Variants in ADORA2B observed in about 807,000 individuals in gnomAD.
ADORA2B encodes adenosine receptor A2b.
A neutral mutation model predicts 20.8 loss-of-function variants in ADORA2B; 18 were observed. The ratio of observed to expected loss-of-function variants is 0.87; its 90% CI spans 0.60 to 1.29. The LOEUF (loss-of-function observed/expected upper bound fraction) is 1.29, where lower values mean the gene tolerates loss of function less well. Among genes scored for constraint, ADORA2B ranks in the 50% most tolerant of loss-of-function variants. The pLI is 0.00. For missense variants in ADORA2B, 441 were observed against 422.7 expected (o/e 1.04, Z -0.38); for synonymous variants, 179 against 178.3 (o/e 1.00, Z -0.03).
the ADORA2B span, among the ~76,000 whole-genome samples, chr17:15,924,595 T>C: frequency 8.6e-5 from 13 of 151,994 alleles, no homozygotes; most frequent in Middle Eastern, 0.01. Context: ...AAAAAATTAG[T>C]CTGGTGTGGT....
chr17:15,873,571 A>G, the ADORA2B span, among the ~76,000 whole-genome samples: 1 of 152,236 alleles, frequency 6.6e-6, no homozygotes, highest in East Asian at 1.9e-4. Flanking sequence ...CCTATCAGAA[A>G]GTGGGCAAAG....
the ADORA2B span, among the ~76,000 whole-genome samples, chr17:15,913,967 A>G: frequency 6.6e-6 from 1 of 152,202 alleles, no homozygotes; most frequent in African/African-American, 2.4e-5. Context: ...ATGGCTGGAG[A>G]AGGAACCTTG....
chr17:15,910,029 T>G, the ADORA2B span, among the ~76,000 whole-genome samples: 1 of 152,214 alleles, frequency 6.6e-6, no homozygotes, highest in Admixed American at 6.5e-5. Flanking sequence ...AGTGAGGGCA[T>G]GGCTCACACA....
At chr17:15,865,244 A>G in the ADORA2B span, among the ~76,000 whole-genome samples, 1 of 152,250 alleles carries the variant, frequency 6.6e-6, no homozygotes, top group African/African-American at 2.4e-5. Flanking sequence ...TGCACAAAAT[A>G]TAAACTATAG....
At chr17:15,933,247 G>A in the ADORA2B span, among the ~76,000 whole-genome samples, 1 of 152,102 alleles carries the variant, frequency 6.6e-6, no homozygotes, top group Non-Finnish European at 1.5e-5. Flanking sequence ...GAGCCACTGC[G>A]CCTGGCCTTG....
upstream of ADORA2B, among the ~76,000 whole-genome samples, chr17:15,940,350 C>T (rs1037788035): frequency 6.6e-6 from 1 of 152,170 alleles, no homozygotes; most frequent in African/African-American, 2.4e-5. Context: ...TTGGGCTCAT[C>T]CTCAGGAAAA....
chr17:15,975,115 C>CT lies in ADORA2B; in HGVS notation c.776dup (p.Gln260ProfsTer6). On this transcript the variant is annotated frameshift_variant, in exon 2 of 2. Coordinates refer to ENST00000304222, the MANE Select transcript of ADORA2B (RefSeq NM_000676.4). LOFTEE classifies it high-confidence loss of function. Reference sequence around the variant, plus strand: ...TGTGCATGCTGTTAACTGTGTCACTCTTTTCCAGCCAGCTCAGGGTAAAAA... The same window carrying CT: ...TGTGCATGCTGTTAACTGTGTCACTCTTTTTCCAGCCAGCTCAGGGTAAAAA... 1.2e-6 allele frequency: 2 copies of CT among 1,614,156 alleles called. No individual in the cohort carries two copies. The highest frequency in any genetic ancestry group is 1.7e-6 in the Non-Finnish European group (2 of 1,180,028).
the ADORA2B span, among the ~76,000 whole-genome samples, chr17:15,889,640 T>A: frequency 7.7e-6 from 1 of 130,388 alleles, no homozygotes; most frequent in African/African-American, 3.3e-5. Flanking sequence ...ATGCCTGTAA[T>A]CCCAGCACTT....
At chr17:15,964,352 A>G (rs551571483) in intron 1 of ADORA2B, among the ~76,000 whole-genome samples, 2 of 152,268 alleles carry the variant, frequency 1.3e-5, no homozygotes, top group Middle Eastern at 3.4e-3. Flanking sequence ...CACACCTGTA[A>G]TCCCAGCACT....
At chr17:15,948,136 A>AC (rs1969834876) in intron 1 of ADORA2B, among the ~76,000 whole-genome samples, 1 of 151,844 alleles carries the variant, frequency 6.6e-6, no homozygotes, top group Non-Finnish European at 1.5e-5. Context: ...CCTGGGACCT[A>AC]CCCCCAGTTC....
chr17:15,920,311 TCAC>T, the ADORA2B span, among the ~76,000 whole-genome samples: 1 of 152,180 alleles, frequency 6.6e-6, no homozygotes, highest in African/African-American at 2.4e-5. Context: ...AGCCCAGACT[TCAC>T]CACTGTTCAG....
At chr17:15,945,055 A>C, upstream of ADORA2B, 1 of 367,280 alleles carries the variant, frequency 2.7e-6, no homozygotes, top group Non-Finnish European at 4.6e-6. Flanking sequence ...CGCGCGGGCC[A>C]ATGGGTGCCG....
At chr17:15,895,911 C>T in the ADORA2B span, among the ~76,000 whole-genome samples, 4 of 152,256 alleles carry the variant, frequency 2.6e-5, no homozygotes, top group African/African-American at 9.6e-5. Context: ...ACCAAGACCC[C>T]TGTGTAAACC....
the ADORA2B span, among the ~76,000 whole-genome samples, chr17:15,897,222 A>G: frequency 6.6e-6 from 1 of 152,196 alleles, no homozygotes; most frequent in African/African-American, 2.4e-5. Flanking sequence ...ATACTCATCT[A>G]GACCCATTAT....
chr17:15,936,748 G>A, the ADORA2B span, among the ~76,000 whole-genome samples: 19 of 152,328 alleles, frequency 1.2e-4, no homozygotes, highest in Admixed American at 1.2e-3. Context: ...TTGCAGCCAA[G>A]AGTTTGAGAC....
At chr17:15,872,078 C>T in the ADORA2B span, among the ~76,000 whole-genome samples, 1 of 152,078 alleles carries the variant, frequency 6.6e-6, no homozygotes, top group Non-Finnish European at 1.5e-5. Flanking sequence ...TAGGCAAATC[C>T]ACAGAAACAG....
At chr17:15,951,087 A>G (rs1350263068) in intron 1 of ADORA2B, among the ~76,000 whole-genome samples, 1 of 152,168 alleles carries the variant, frequency 6.6e-6, no homozygotes, top group East Asian at 1.9e-4. Context: ...TGCCCGGGGA[A>G]CAGCTGGACA....
upstream of ADORA2B, among the ~76,000 whole-genome samples, chr17:15,941,758 A>G (rs1969747782): frequency 6.6e-6 from 1 of 150,778 alleles, no homozygotes. Context: ...ACTAAATGCC[A>G]TGACTCTCTT....
chr17:15,948,732 C>T (rs1049559602), intron 1 of ADORA2B, among the ~76,000 whole-genome samples: 11 of 152,032 alleles, frequency 7.2e-5, no homozygotes, highest in Middle Eastern at 3.2e-3. Context: ...GGTCCAGTGC[C>T]GTGTATCTGA....
Sources: gnomAD v4.1 joint callset for allele counts (sites outside exome capture counted in the v4.1 genomes callset) on GRCh38, gnomAD v4.1.1 for gene constraint, MANE v1.5 for transcripts, NCBI Gene and HGNC (gene_info 2026-07-23, HGNC 2026-07-21) for gene names.